The following TDRD3 variants were observed in gnomAD, a reference collection of about 807,000 sequenced individuals.
TDRD3 encodes tudor domain containing 3, also known as tudor domain-containing protein 3.
Under a neutral mutation model 86.7 loss-of-function variants are expected in TDRD3, and 45 were observed. The ratio of observed to expected loss-of-function variants is 0.52; its 90% CI spans 0.41 to 0.67. The LOEUF is 0.67. Ranked by LOEUF, TDRD3 falls within the 30% of genes least tolerant of loss-of-function variation. The pLI is 0.00. For missense variants in TDRD3, 814 were observed against 889.0 expected (o/e 0.92, Z 1.07); for synonymous variants, 298 against 301.7 (o/e 0.99, Z 0.13).
chr13:60,460,478 A>G lies in TDRD3; in HGVS notation c.291A>G (p.Leu97=). The change falls in exon 4 of 14, where the codon TTA becomes TTG. Residue 97 remains leucine (L), a synonymous_variant. Coordinates refer to ENST00000377881, the MANE Select transcript of TDRD3 (RefSeq NM_001146070.2). The stretch of plus-strand genomic sequence containing the variant: ...AGGCTGCACCAAGGATGCTGCGATT[A>G]CAGATGACTGATGGTCATATAAGTT... ...ESQAAPRMLR[L]QMTDGHISCT... The G allele has an allele frequency of 1.3e-6, 2 of 1,589,794 alleles. No individual in the cohort carries two copies. The highest frequency in any genetic ancestry group is 8.5e-7 in the Non-Finnish European group (1 of 1,173,040).
intron 5 of TDRD3, among the ~76,000 whole-genome samples, chr13:60,472,638 C>T (rs896420444): frequency 5.3e-5 from 8 of 152,094 alleles, no homozygotes; most frequent in African/African-American, 1.9e-4. Flanking sequence ...ATAGAATTAC[C>T]ATATGATCCA....
chr13:60,395,820 T>C (rs112117939), upstream of TDRD3, among the ~76,000 whole-genome samples: 1 of 152,130 alleles, frequency 6.6e-6, no homozygotes, highest in African/African-American at 2.4e-5. Context: ...TAAATTGAAA[T>C]ATACCTGTAG....
At chr13:60,521,371 G>A (rs753738760) in intron 10 of TDRD3, among the ~76,000 whole-genome samples, 15 of 151,828 alleles carry the variant, frequency 9.9e-5, no homozygotes, top group East Asian at 5.8e-4. Flanking sequence ...TGATTCTGTC[G>A]TAGCTAAGCA....
intron 12 of TDRD3, among the ~76,000 whole-genome samples, chr13:60,545,748 T>C (rs1473492549): frequency 6.6e-6 from 1 of 152,074 alleles, no homozygotes; most frequent in Non-Finnish European, 1.5e-5. Flanking sequence ...CTTGATTAGA[T>C]TCTTAGAATA....
rs1438072604 is a variant in TDRD3, at chr13:60,460,832, CT to C, written c.353+293del. 12 of 175,666 alleles carry C rather than the reference CT, an allele frequency of 6.8e-5. No homozygotes were observed. The Admixed American group carries it at 7.7e-4, about 11-fold the overall frequency. The allele number at this position is 175,666 out of a possible 1,614,324, so 10.9% of individuals were successfully genotyped here. On this transcript the variant is annotated intron_variant, in intron 4 of 13. Coordinates refer to ENST00000377881, the MANE Select transcript of TDRD3 (RefSeq NM_001146070.2). Reference sequence around the variant, plus strand: ...CCAGCCTGACCAATGTGGTGAAACCCTGTCTCTACAAAATACAAGAATTAGC... The same window carrying C: ...CCAGCCTGACCAATGTGGTGAAACCCGTCTCTACAAAATACAAGAATTAGC...
At chr13:60,513,110 C>T (rs1296240005) in intron 10 of TDRD3, among the ~76,000 whole-genome samples, 3 of 152,256 alleles carry the variant, frequency 2.0e-5, no homozygotes, top group African/African-American at 7.2e-5. Context: ...CAATTCTTAA[C>T]TTCTGTGCAC....
intron 11 of TDRD3, among the ~76,000 whole-genome samples, chr13:60,533,953 C>T (rs1024525125): frequency 2.0e-5 from 3 of 152,182 alleles, no homozygotes; most frequent in Non-Finnish European, 4.4e-5. Context: ...ATGGGATGAT[C>T]TGTACTGAAA....
At chr13:60,464,277 A>C (rs1465969007) in intron 4 of TDRD3, among the ~76,000 whole-genome samples, 3 of 152,186 alleles carry the variant, frequency 2.0e-5, no homozygotes, top group Non-Finnish European at 4.4e-5. Flanking sequence ...GATGCAGAGA[A>C]AGGGGAATGC....
intron 1 of TDRD3, among the ~76,000 whole-genome samples, chr13:60,415,828 A>G (rs1032108640): frequency 2.0e-5 from 3 of 152,154 alleles, no homozygotes; most frequent in African/African-American, 7.2e-5. Context: ...CCTTTATTTC[A>G]AGGATAGGTG....
intron 12 of TDRD3, among the ~76,000 whole-genome samples, chr13:60,553,377 C>T (rs1329875724): frequency 3.9e-5 from 6 of 152,040 alleles, no homozygotes; most frequent in Non-Finnish European, 7.4e-5. Context: ...TTCCTGTATT[C>T]TTCTGAGCCC....
At position 60,490,047 on chromosome 13, in the gene TDRD3, T is replaced by G. The variant is rs943517387; in HGVS notation, c.717+4099T>G. On this transcript the variant is annotated intron_variant, in intron 7 of 13. Coordinates refer to ENST00000377881, the MANE Select transcript of TDRD3 (RefSeq NM_001146070.2). ...ATGAATATTTGATAATTAAAGCATC[T>G]TAGTTTTTTTTTTTTTTTTTTTTTT... Among the ~76,000 whole-genome samples, 3 of 117,438 alleles carry G rather than the reference T, an allele frequency of 2.6e-5. No homozygotes were observed. In the South Asian group the frequency reaches 8.5e-4, roughly 33 times the overall value. 77.0% of individuals were successfully genotyped at this position (117,438 alleles called of 152,430 possible).
intron 12 of TDRD3, chr13:60,536,296 T>A (rs1957696222): frequency 6.6e-6 from 1 of 152,122 alleles, no homozygotes. Flanking sequence ...AATTTATTAT[T>A]CCAACTTTTA....
chr13:60,488,086 A>G (rs1218215902), intron 7 of TDRD3, among the ~76,000 whole-genome samples: 1 of 152,174 alleles, frequency 6.6e-6, no homozygotes, highest in Non-Finnish European at 1.5e-5. Flanking sequence ...TCACTGAGAC[A>G]ATGAGTGTTG....
At position 60,518,281 on chromosome 13, in the gene TDRD3, G is replaced by A. The variant is rs571024944; in HGVS notation, c.1141+7526G>A. Among the ~76,000 whole-genome samples, 48 of 152,236 alleles carry A rather than the reference G, an allele frequency of 3.2e-4. 1 individual carries two copies. The highest frequency in any genetic ancestry group is 1.1e-3 in the African/African-American group (47 of 41,538). On this transcript the variant is annotated intron_variant, in intron 10 of 13. Transcript: ENST00000377881. ...CTGTGTGTGGTATGTGAATCTTTAG[G>A]TGATTCTGGTGCTGGCTGTTGAGCC...
chr13:60,539,914 TTTTA>T (rs1290446953), intron 12 of TDRD3, among the ~76,000 whole-genome samples: 3 of 152,066 alleles, frequency 2.0e-5, no homozygotes, highest in Non-Finnish European at 4.4e-5. Context: ...CTCCATCTAG[TTTTA>T]TTTGATAATA....
intron 1 of TDRD3, among the ~76,000 whole-genome samples, chr13:60,434,543 G>C (rs1365554457): frequency 2.0e-5 from 3 of 151,944 alleles, no homozygotes; most frequent in African/African-American, 7.2e-5. Context: ...TAAAATTAGT[G>C]AGAAATATTT....
chr13:60,538,845 A>T (rs1343116265), intron 12 of TDRD3, among the ~76,000 whole-genome samples: 1 of 152,140 alleles, frequency 6.6e-6, no homozygotes, highest in Non-Finnish European at 1.5e-5. Flanking sequence ...TTGCTCTCCT[A>T]AACCTGGGAA....
intron 10 of TDRD3, among the ~76,000 whole-genome samples, chr13:60,526,279 G>A (rs1415814573): frequency 6.6e-6 from 1 of 152,082 alleles, no homozygotes; most frequent in Non-Finnish European, 1.5e-5. Flanking sequence ...CATAACACCT[G>A]TATCATAAAA....
At chr13:60,464,391 C>T (rs1955868919) in intron 4 of TDRD3, among the ~76,000 whole-genome samples, 1 of 152,082 alleles carries the variant, frequency 6.6e-6, no homozygotes, top group Non-Finnish European at 1.5e-5. Flanking sequence ...ATACAGCAGT[C>T]TGACTGCTGG....
Sources: gnomAD v4.1 joint callset for allele counts (sites outside exome capture counted in the v4.1 genomes callset) on GRCh38, gnomAD v4.1.1 for gene constraint, MANE v1.5 for transcripts, NCBI Gene and HGNC (gene_info 2026-07-23, HGNC 2026-07-21) for gene names.